Variants in HYCC1 observed in about 807,000 individuals in gnomAD.
The protein encoded by HYCC1 is hyccin PI4KA lipid kinase complex subunit 1.
the HYCC1 span, among the ~76,000 whole-genome samples, chr7:22,982,926 C>A: frequency 6.6e-6 from 1 of 152,262 alleles, no homozygotes; most frequent in East Asian, 1.9e-4. Flanking sequence ...AAATGCCATA[C>A]CTTTTTACTT....
the HYCC1 span, among the ~76,000 whole-genome samples, chr7:22,996,599 A>T: frequency 2.7e-5 from 1 of 37,370 alleles, no homozygotes; most frequent in African/African-American, 7.0e-5. Context: ...ACAATTGTTA[A>T]AAAAAAAAAA....
At chr7:22,967,253 T>C in the HYCC1 span, among the ~76,000 whole-genome samples, 1 of 152,166 alleles carries the variant, frequency 6.6e-6, no homozygotes, top group African/African-American at 2.4e-5. Flanking sequence ...AAGGAGAGAA[T>C]GGTAAACTCA....
At chr7:22,926,344 A>C in the HYCC1 span, among the ~76,000 whole-genome samples, 1 of 152,208 alleles carries the variant, frequency 6.6e-6, no homozygotes, top group Admixed American at 6.5e-5. Context: ...ACTAACCTTA[A>C]ATGTAAATGG....
the HYCC1 span, among the ~76,000 whole-genome samples, chr7:22,976,989 T>C: frequency 6.6e-6 from 1 of 151,974 alleles, no homozygotes; most frequent in Non-Finnish European, 1.5e-5. Context: ...AAACCACAAA[T>C]GAGAAATAAA....
At chr7:23,002,162 A>ATACATACAAT in the HYCC1 span, among the ~76,000 whole-genome samples, 3 of 35,486 alleles carry the variant, frequency 8.5e-5, no homozygotes, top group African/African-American at 1.3e-4. Flanking sequence ...ATATATATAT[A>ATACATACAAT]TATATATATA....
the HYCC1 span, among the ~76,000 whole-genome samples, chr7:22,925,910 A>G: frequency 6.6e-6 from 1 of 152,182 alleles, no homozygotes; most frequent in East Asian, 1.9e-4. Flanking sequence ...ATGAAGGAAA[A>G]AATGTTAAGG....
chr7:22,923,290 C>G, the HYCC1 span, among the ~76,000 whole-genome samples: 1 of 152,088 alleles, frequency 6.6e-6, no homozygotes. Context: ...AGAAATAAAA[C>G]AACATACTGC....
At chr7:22,996,590 C>T in the HYCC1 span, among the ~76,000 whole-genome samples, 1 of 60,596 alleles carries the variant, frequency 1.7e-5, no homozygotes, top group Non-Finnish European at 2.9e-5. Context: ...ACGTACAGTA[C>T]AATTGTTAAA....
the HYCC1 span, among the ~76,000 whole-genome samples, chr7:22,986,763 G>A: frequency 3.8e-4 from 58 of 152,114 alleles, no homozygotes; most frequent in Non-Finnish European, 1.5e-4. Context: ...CAGGAGAATC[G>A]CTTGAACCCG....
the HYCC1 span, among the ~76,000 whole-genome samples, chr7:22,959,778 A>G: frequency 6.6e-6 from 1 of 152,182 alleles, no homozygotes; most frequent in African/African-American, 2.4e-5. Flanking sequence ...AAAGAAAATT[A>G]ACTTCAAGAA....
At chr7:22,988,290 T>C in the HYCC1 span, among the ~76,000 whole-genome samples, 2 of 152,286 alleles carry the variant, frequency 1.3e-5, no homozygotes, top group East Asian at 3.9e-4. Context: ...GTAAAGTTAA[T>C]CTTGGGGTTG....
At chr7:22,926,690 C>T in the HYCC1 span, among the ~76,000 whole-genome samples, 133,984 of 150,464 alleles carry the variant, frequency 0.89, 59,919 homozygotes, top group East Asian at 0.99. Flanking sequence ...AAGCAAGTCC[C>T]GAGTGACCTA....
the HYCC1 span, chr7:23,014,130 T>C: frequency 1.5e-5 from 7 of 467,326 alleles, no homozygotes; most frequent in Non-Finnish European, 3.1e-5. Flanking sequence ...CCAGCCTCTC[T>C]GACAGGCACG....
chr7:22,997,925 G>C, the HYCC1 span, among the ~76,000 whole-genome samples: 1 of 152,184 alleles, frequency 6.6e-6, no homozygotes, highest in Non-Finnish European at 1.5e-5. Context: ...ATAAGATCAT[G>C]TTGGGATATC....
chr7:22,934,345 T>A, the HYCC1 span: 1 of 151,602 alleles, frequency 6.6e-6, no homozygotes, highest in East Asian at 2.0e-4. Context: ...CTCTCCCAAG[T>A]GCGATTGGTT....
At chr7:22,963,095 C>A in the HYCC1 span, among the ~76,000 whole-genome samples, 8 of 152,074 alleles carry the variant, frequency 5.3e-5, no homozygotes, top group African/African-American at 1.9e-4. Flanking sequence ...CATTTCCTGT[C>A]ATAAATAATA....
the HYCC1 span, among the ~76,000 whole-genome samples, chr7:22,930,627 T>C: frequency 6.6e-6 from 1 of 151,994 alleles, no homozygotes; most frequent in Non-Finnish European, 1.5e-5. Flanking sequence ...AAGCCACTAT[T>C]ACCCTGACAC....
the HYCC1 span, among the ~76,000 whole-genome samples, chr7:22,955,066 A>T: frequency 6.6e-6 from 1 of 151,592 alleles, no homozygotes; most frequent in Admixed American, 6.6e-5. Flanking sequence ...TTAGATAATA[A>T]AGTTAGAGTA....
At chr7:23,000,939 A>C in the HYCC1 span, among the ~76,000 whole-genome samples, 1 of 152,026 alleles carries the variant, frequency 6.6e-6, no homozygotes, top group African/African-American at 2.4e-5. Context: ...TTTTTTATCA[A>C]AGGACTTTTC....
Sources: gnomAD v4.1 joint callset for allele counts (sites outside exome capture counted in the v4.1 genomes callset) on GRCh38, gnomAD v4.1.1 for gene constraint, MANE v1.5 for transcripts, NCBI Gene and HGNC (gene_info 2026-07-23, HGNC 2026-07-21) for gene names.